The following FSTL4 variants were observed in gnomAD, a reference collection of about 807,000 sequenced individuals.
FSTL4 encodes the protein follistatin like 4.
FSTL4 carries 28 observed loss-of-function variants against 78.2 expected under a neutral mutation model. The observed-to-expected ratio is 0.36, with a 90% CI of 0.27 to 0.49. The LOEUF (loss-of-function observed/expected upper bound fraction) is 0.49. FSTL4 is among the 20% of genes least tolerant of loss of function. The pLI, the probability that FSTL4 is intolerant of heterozygous loss-of-function variation, is 0.98. For synonymous variants in FSTL4, 422 were observed against 440.5 expected, an observed-to-expected ratio of 0.96 and a Z score of 0.53; for missense variants, 922 against 1,084.9, an observed-to-expected ratio of 0.85 and a Z score of 2.11.
At chr5:133,385,525 C>T (rs79760931) in intron 4 of FSTL4, among the ~76,000 whole-genome samples, 2,836 of 152,296 alleles carry the variant, frequency 0.019, 87 homozygotes, top group African/African-American at 0.065. Context: ...CCCCCTAGAA[C>T]CCAACATGGG....
At chr5:133,389,304 T>C (rs1395937359) in intron 4 of FSTL4, among the ~76,000 whole-genome samples, 3 of 152,184 alleles carry the variant, frequency 2.0e-5, no homozygotes, top group Admixed American at 6.5e-5. Context: ...CCCAGTGAGA[T>C]TGACCAGACT....
At chr5:133,698,721 G>A in the FSTL4 span, among the ~76,000 whole-genome samples, 3 of 152,224 alleles carry the variant, frequency 2.0e-5, no homozygotes, top group Non-Finnish European at 4.4e-5. Flanking sequence ...GGAGATCTCA[G>A]GACCGTCCTA....
At chr5:133,783,427 T>A in the FSTL4 span, among the ~76,000 whole-genome samples, 1 of 152,222 alleles carries the variant, frequency 6.6e-6, no homozygotes, top group East Asian at 1.9e-4. Flanking sequence ...CTCAAAGGCA[T>A]CCTGGTTTAG....
the FSTL4 span, among the ~76,000 whole-genome samples, chr5:133,814,556 T>G: frequency 6.6e-6 from 1 of 152,142 alleles, no homozygotes; most frequent in Non-Finnish European, 1.5e-5. Flanking sequence ...CTCCTTTCTT[T>G]TGGTGTTCTG....
the FSTL4 span, among the ~76,000 whole-genome samples, chr5:133,767,598 A>G: frequency 6.6e-6 from 1 of 152,220 alleles, no homozygotes; most frequent in Non-Finnish European, 1.5e-5. Context: ...CTACTTGACC[A>G]TAGTACAAAT....
intron 4 of FSTL4, among the ~76,000 whole-genome samples, chr5:133,390,932 C>T (rs1483262473): frequency 2.0e-5 from 3 of 152,170 alleles, no homozygotes; most frequent in East Asian, 1.9e-4. Context: ...AGGGAACAGC[C>T]GAGCCCCCAG....
At chr5:133,679,557 A>G in the FSTL4 span, among the ~76,000 whole-genome samples, 5 of 152,102 alleles carry the variant, frequency 3.3e-5, no homozygotes, top group Non-Finnish European at 4.4e-5. Context: ...CGGGGAAGCC[A>G]AGAAGGGACC....
chr5:133,601,544 G>A (rs1017826421), intron 2 of FSTL4, among the ~76,000 whole-genome samples: 5 of 152,210 alleles, frequency 3.3e-5, no homozygotes, highest in African/African-American at 4.8e-5. Context: ...CGCTCTGCAC[G>A]AGGCCCCTGG....
the FSTL4 span, among the ~76,000 whole-genome samples, chr5:133,822,440 C>CTTCA: frequency 6.6e-6 from 1 of 152,188 alleles, no homozygotes. Flanking sequence ...AGCCCAGAAA[C>CTTCA]TTCATTCATT....
chr5:133,275,893 CAG>C (rs1278918674), intron 6 of FSTL4: 3 of 152,172 alleles, frequency 2.0e-5, no homozygotes, highest in Non-Finnish European at 4.4e-5. Flanking sequence ...CAGCCTGCCC[CAG>C]AGTCAGCCGT....
the FSTL4 span, among the ~76,000 whole-genome samples, chr5:133,624,290 C>T: frequency 6.6e-6 from 1 of 151,942 alleles, no homozygotes; most frequent in Non-Finnish European, 1.5e-5. Flanking sequence ...AGTACTGATA[C>T]ATGCTACAAC....
At chr5:133,305,364 G>T (rs771309143) in intron 6 of FSTL4, among the ~76,000 whole-genome samples, 5 of 152,158 alleles carry the variant, frequency 3.3e-5, no homozygotes, top group Non-Finnish European at 5.9e-5. Flanking sequence ...CTGTGGTGGC[G>T]GCCTTTCTAC....
At chr5:133,359,567 G>T (rs1755022660) in intron 4 of FSTL4, among the ~76,000 whole-genome samples, 1 of 152,222 alleles carries the variant, frequency 6.6e-6, no homozygotes, top group African/African-American at 2.4e-5. Context: ...CGGGAGGAAA[G>T]TTCTGGGGAT....
intron 6 of FSTL4, among the ~76,000 whole-genome samples, chr5:133,307,789 T>TC (rs1323187205): frequency 1.3e-5 from 2 of 150,998 alleles, no homozygotes; most frequent in Non-Finnish European, 3.0e-5. Context: ...TTTTCTTTTT[T>TC]TTTTTTTTTG....
chr5:133,541,115 T>C (rs949362458), intron 3 of FSTL4, among the ~76,000 whole-genome samples: 2 of 152,220 alleles, frequency 1.3e-5, no homozygotes, highest in African/African-American at 2.4e-5. Context: ...TGATTACCTA[T>C]TGCTATGCAA....
the FSTL4 span, among the ~76,000 whole-genome samples, chr5:133,623,192 G>A: frequency 6.6e-6 from 1 of 151,818 alleles, no homozygotes; most frequent in Non-Finnish European, 1.5e-5. Flanking sequence ...AATTGCAAGT[G>A]TCCCTGAATA....
chr5:133,775,944 T>C, the FSTL4 span, among the ~76,000 whole-genome samples: 3 of 152,154 alleles, frequency 2.0e-5, no homozygotes, highest in African/African-American at 7.2e-5. Context: ...CCCACTACCT[T>C]ATATGAAGGA....
At chr5:133,258,545 C>T (rs549069653) in intron 6 of FSTL4, among the ~76,000 whole-genome samples, 6 of 152,170 alleles carry the variant, frequency 3.9e-5, no homozygotes, top group Admixed American at 6.5e-5. Flanking sequence ...TTATTGGTTC[C>T]GTAGAAGACA....
At chr5:133,818,530 T>C in the FSTL4 span, among the ~76,000 whole-genome samples, 1 of 152,174 alleles carries the variant, frequency 6.6e-6, no homozygotes, top group South Asian at 2.1e-4. Context: ...TTACTACTTC[T>C]GTGTAAGTGT....
Sources: gnomAD v4.1 joint callset for allele counts (sites outside exome capture counted in the v4.1 genomes callset) on GRCh38, gnomAD v4.1.1 for gene constraint, MANE v1.5 for transcripts, NCBI Gene and HGNC (gene_info 2026-07-23, HGNC 2026-07-21) for gene names.